TFAP2D: variants seen among roughly 807,000 people sequenced by gnomAD.
TFAP2D encodes the protein transcription factor AP-2 delta, also known as transcription factor AP-2-delta.
Under a neutral mutation model 43.6 loss-of-function variants are expected in TFAP2D, and 9 were observed. The ratio of observed to expected loss-of-function variants is 0.21; its 90% CI spans 0.12 to 0.36. The LOEUF is 0.36. Among genes scored for constraint, TFAP2D ranks in the 10% least tolerant of loss-of-function variants. The probability of loss-of-function intolerance (pLI) is 1.00; values close to 1 mark genes in which losing one functional copy is unlikely to be tolerated. For missense variants in TFAP2D, 513 were observed against 561.4 expected, an observed-to-expected ratio of 0.91 and a Z score of 0.87; for synonymous variants, 256 against 224.9, an observed-to-expected ratio of 1.14 and a Z score of -1.24.
intron 7 of TFAP2D, among the ~76,000 whole-genome samples, chr6:50,770,128 C>T (rs1769503739): frequency 6.6e-6 from 1 of 152,290 alleles, no homozygotes; most frequent in Non-Finnish European, 1.5e-5. Flanking sequence ...GTTGGCTTTA[C>T]CCAGTTCTTT....
At position 50,715,490 on chromosome 6, in the gene TFAP2D, T is replaced by G; in HGVS notation, c.414T>G (p.Asp138Glu). ...AGAGGCGGGAGCTGGGCTGCCTCGA[T>G]GCCTACCGCCGCCATGACCTGTCCC... Reference protein sequence around the residue: ...DEQRRELGCLDAYRRHDLSLM... With the variant: ...DEQRRELGCLEAYRRHDLSLM... The change falls in exon 2 of 8, where the codon GAT becomes GAG. Residue 138 changes from aspartate to glutamate, a missense_variant. By Grantham distance (45) the Asp-to-Glu change is conservative (BLOSUM62 2). Around this residue, in one of 3 missense-constraint regions of TFAP2D, gnomAD observed 311 missense variants for 316.2 expected, o/e 0.98. Transcript: ENST00000008391. 1 of 1,613,778 alleles carries G rather than the reference T, an allele frequency of 6.2e-7. No individual in the cohort carries two copies. The highest frequency in any genetic ancestry group is 8.5e-7 in the Non-Finnish European group (1 of 1,180,026).
intron 4 of TFAP2D, 79 bp downstream of exon 4, chr6:50,729,100 A>G (rs1008908186): frequency 1.8e-5 from 29 of 1,602,390 alleles, no homozygotes; most frequent in Admixed American, 5.1e-5. Context: ...GATGTCTTCC[A>G]TCTGATAGTG....
rs142251491 is a variant in TFAP2D, at chr6:50,750,227, C to G, written c.1026-984C>G. Reference sequence around the variant, plus strand: ...ATTCACTTGAAATAATTTGACACTTCTATACCTGTCTTTGTTTACATTGAT... The same window carrying G: ...ATTCACTTGAAATAATTTGACACTTGTATACCTGTCTTTGTTTACATTGAT... On this transcript the variant is annotated intron_variant, in intron 6 of 7. Transcript: ENST00000008391. Among the ~76,000 whole-genome samples the G allele has an allele frequency of 2.2e-3, 336 of 152,010 alleles. 1 individual carries two copies. Among genetic ancestry groups the G allele is most frequent in the Non-Finnish European group, 4.2e-3 (286 of 67,892 alleles).
At chr6:50,764,275 C>T (rs1262136543) in intron 7 of TFAP2D, among the ~76,000 whole-genome samples, 2 of 152,086 alleles carry the variant, frequency 1.3e-5, no homozygotes, top group Non-Finnish European at 2.9e-5. Flanking sequence ...ATTTATTATA[C>T]TATTGCCAGC....
intron 5 of TFAP2D, among the ~76,000 whole-genome samples, chr6:50,738,391 A>C (rs1246359017): frequency 6.6e-6 from 1 of 151,992 alleles, no homozygotes; most frequent in Non-Finnish European, 1.5e-5. Context: ...TTTTTACATT[A>C]ATATAATTAT....
At chr6:50,757,639 ATTATTCTATATATATAG>A (rs1769297548) in intron 7 of TFAP2D, among the ~76,000 whole-genome samples, 5 of 70,576 alleles carry the variant, frequency 7.1e-5, no homozygotes, top group Non-Finnish European at 1.2e-4. Context: ...AATATATATA[ATTATTCTATATATATAG>A]AATATATATA....
chr6:50,743,145 A>T (rs1040649587), intron 5 of TFAP2D, among the ~76,000 whole-genome samples: 1 of 152,094 alleles, frequency 6.6e-6, no homozygotes, highest in African/African-American at 2.4e-5. Context: ...AAAAACAATG[A>T]TGTTTTCCAC....
chr6:50,744,668 A>G (rs973524026), intron 5 of TFAP2D, among the ~76,000 whole-genome samples: 1 of 152,248 alleles, frequency 6.6e-6, no homozygotes, highest in Admixed American at 6.5e-5. Context: ...CTTCGCAGGT[A>G]TTTTAATAGG....
rs560263954 is a variant in TFAP2D at position 50,764,436 on chromosome 6, G to A, written c.1140-8209G>A. ...CTTTGAAACAAAACCCTACAAATCT[G>A]GGCATCAAAGATTCCCAAATGAAAC... On this transcript the variant is annotated intron_variant, in intron 7 of 7. Transcript: ENST00000008391. 5.9e-5 allele frequency among the ~76,000 whole-genome samples: 9 copies of A among 152,072 alleles called. No homozygotes were observed. The East Asian group carries it at 1.2e-3, about 20-fold the overall frequency.
intron 7 of TFAP2D, among the ~76,000 whole-genome samples, chr6:50,768,588 C>A (rs893685497): frequency 2.0e-5 from 3 of 152,074 alleles, no homozygotes; most frequent in African/African-American, 7.2e-5. Flanking sequence ...GTTCCCAGAA[C>A]TTTTTAAAAC....
intron 7 of TFAP2D, among the ~76,000 whole-genome samples, chr6:50,757,766 GAATATATAT>G (rs1769307738): frequency 2.3e-5 from 2 of 87,366 alleles, no homozygotes; most frequent in Admixed American, 1.6e-4. Context: ...TATATATATA[GAATATATAT>G]AATTATTCTA....
intron 1 of TFAP2D, among the ~76,000 whole-genome samples, chr6:50,714,646 A>G (rs950101452): frequency 3.3e-5 from 5 of 152,154 alleles, no homozygotes; most frequent in African/African-American, 9.7e-5. Context: ...CGGCATAGAC[A>G]GGCGCAGAAT....
rs183778068 is a variant in TFAP2D at position 50,715,658 on chromosome 6, C to T, written c.537+45C>T. On this transcript the variant is annotated intron_variant, in intron 2 of 7. Transcript: ENST00000008391. ...ATTTGTCTGCTCCCTCCCCTCTTCG[C>T]CCTCCCCCTGCCGCCCCATTAATGC... 654 of 1,537,516 alleles carry T rather than the reference C, an allele frequency of 4.3e-4. 3 individuals are homozygous for T. In the African/African-American group the frequency reaches 6.9e-3, roughly 16 times the overall value.
intron 4 of TFAP2D, 37 bp from the exon 5 acceptor site, chr6:50,729,156 GA>G (rs752339493): frequency 6.2e-7 from 1 of 1,609,690 alleles, no homozygotes; most frequent in Admixed American, 1.7e-5. Context: ...ATCAGAATGT[GA>G]AATTTCAAAA....
At chr6:50,743,886 CTTG>C (rs1222251402) in intron 5 of TFAP2D, among the ~76,000 whole-genome samples, 4 of 152,014 alleles carry the variant, frequency 2.6e-5, no homozygotes, top group African/African-American at 4.8e-5. Context: ...TACTAAGATA[CTTG>C]TTGTTGTTGC....
At chr6:50,765,597 G>C (rs763534612) in intron 7 of TFAP2D, among the ~76,000 whole-genome samples, 3 of 152,048 alleles carry the variant, frequency 2.0e-5, no homozygotes, top group Non-Finnish European at 4.4e-5. Context: ...TTTAATTTGT[G>C]TATCACTGAT....
intron 3 of TFAP2D, among the ~76,000 whole-genome samples, chr6:50,727,550 A>T (rs1373414685): frequency 6.6e-6 from 1 of 152,206 alleles, no homozygotes; most frequent in Non-Finnish European, 1.5e-5. Context: ...TGACTCAAAA[A>T]GTTTGGAGGT....
chr6:50,741,735 A>C (rs1302236125), intron 5 of TFAP2D, among the ~76,000 whole-genome samples: 1 of 151,780 alleles, frequency 6.6e-6, no homozygotes, highest in Non-Finnish European at 1.5e-5. Context: ...GCTGCAATAC[A>C]TTGAAATAAA....
At chr6:50,746,886 T>A (rs925064127) in intron 6 of TFAP2D, among the ~76,000 whole-genome samples, 1 of 152,042 alleles carries the variant, frequency 6.6e-6, no homozygotes, top group African/African-American at 2.4e-5. Flanking sequence ...GATTATCTCA[T>A]CTTGTCCCAA....
Sources: gnomAD v4.1 joint callset for allele counts (sites outside exome capture counted in the v4.1 genomes callset) on GRCh38, gnomAD v4.1.1 for gene constraint, gnomAD v4.1.1 regional missense constraint, MANE v1.5 for transcripts, NCBI Gene and HGNC (gene_info 2026-07-23, HGNC 2026-07-21) for gene names.